Variants in TTPAL observed in about 807,000 individuals in gnomAD.
TTPAL encodes alpha-tocopherol transfer protein-like.
In TTPAL, 21 loss-of-function variants were observed where a neutral mutation model predicts 28.7. The ratio of observed to expected loss-of-function variants is 0.73; its 90% CI spans 0.52 to 1.06. The LOEUF (loss-of-function observed/expected upper bound fraction) is 1.06. Among genes scored for constraint, TTPAL ranks in the 50% least tolerant of loss-of-function variants. The pLI is 0.00. For missense variants in TTPAL, 345 were observed against 425.5 expected, an observed-to-expected ratio of 0.81 and a Z score of 1.67; for synonymous variants, 169 against 171.9, an observed-to-expected ratio of 0.98 and a Z score of 0.13.
rs2064234629 is a variant in TTPAL, at chr20:44,494,291, T to TAG, written c.*4751_*4752insGA. 1 of 152,748 alleles carries TAG rather than the reference T, an allele frequency of 6.5e-6. No homozygotes were observed. Among genetic ancestry groups the TAG allele is most frequent in the African/African-American group, 2.4e-5 (1 of 41,450 alleles). The allele number at this position is 152,748 out of a possible 1,614,324, so 9.5% of individuals were successfully genotyped here. ...GTAGCTATGCCTCGGCTTCTTGGCATATCAGGTAGGAACCTGTTACAAGTG... is the reference window on the plus strand; with the variant it reads ...GTAGCTATGCCTCGGCTTCTTGGCATAGATCAGGTAGGAACCTGTTACAAGTG... On this transcript the variant is annotated 3_prime_UTR_variant, in exon 5 of 5. Transcript: ENST00000262605.
chr20:44,476,123 ACAGCCGGAAGTGGGGGC>A (rs1365985414), intron 1 of TTPAL, 132 bp downstream of exon 1: 1 of 152,088 alleles, frequency 6.6e-6, no homozygotes, highest in Admixed American at 6.5e-5. Context: ...GGAGGGGGTG[ACAGCCGGAAGTGGGGGC>A]CTCGGAAGGT....
chr20:44,477,052 G>A (rs1022844269), intron 1 of TTPAL, among the ~76,000 whole-genome samples: 2 of 152,236 alleles, frequency 1.3e-5, no homozygotes, highest in African/African-American at 2.4e-5. Context: ...GAACAAATTA[G>A]AAGAGGAAAT....
At chr20:44,477,643 C>CTATTTATTTATTTATT (rs200146629) in intron 1 of TTPAL, among the ~76,000 whole-genome samples, 3 of 149,866 alleles carry the variant, frequency 2.0e-5, no homozygotes, top group African/African-American at 7.5e-5. Flanking sequence ...ATCTATCTAT[C>CTATTTATTTATTTATT]TATTTATTTA....
rs368610163 is a variant in TTPAL at position 44,485,208 on chromosome 20, C to CT, written c.639+679dup. On this transcript the variant is annotated intron_variant, in intron 3 of 4. Transcript: ENST00000262605. The stretch of plus-strand genomic sequence containing the variant: ...CTGTGGACCTGAGGGATATGGTGTT[C>CT]TGTTGGGCTGTATTTTGGTCAGATG... Among the ~76,000 whole-genome samples, 1,158 of 152,180 alleles carry CT rather than the reference C, an allele frequency of 7.6e-3. 5 individuals are homozygous for CT. Among genetic ancestry groups the CT allele is most frequent in the Middle Eastern group, 0.014 (4 of 294 alleles).
At chr20:44,479,859 C>G in intron 1 of TTPAL, 126 bp from the exon 2 acceptor site, 2 of 781,740 alleles carry the variant, frequency 2.6e-6, no homozygotes, top group Non-Finnish European at 4.0e-6. Context: ...TTCATTGCCC[C>G]CAGTTGAGAA....
chr20:44,484,308 A>G (rs1341658144), intron 2 of TTPAL, 29 bp from the exon 3 acceptor site: 2 of 1,413,392 alleles, frequency 1.4e-6, no homozygotes, highest in African/African-American at 2.8e-5. Context: ...TAACTTCTGT[A>G]ACATACTGTC....
At chr20:44,484,153 G>C (rs1454900438) in intron 2 of TTPAL, among the ~76,000 whole-genome samples, 184 bp from the exon 3 acceptor site, 1 of 152,170 alleles carries the variant, frequency 6.6e-6, no homozygotes, top group African/African-American at 2.4e-5. Flanking sequence ...ATGTGCTGCT[G>C]TTTGGAGTTA....
rs747328979 is a variant in TTPAL, at chr20:44,484,453, G to A, written c.562G>A (p.Asp188Asn). 3.1e-6 allele frequency: 5 copies of A among 1,606,122 alleles called. No homozygotes were observed. Among genetic ancestry groups the A allele is most frequent in the Admixed American group, 3.3e-5 (2 of 59,910 alleles). ...GGTGAATGGAATTGTAATTCTTGCA[G>A]ACTACAAAGGAGTGAGTTTATCAAA... is the stretch of plus-strand genomic sequence containing the variant. ...TQVNGIVILA[D>N]YKGVSLSKAS... Residue 188 changes from aspartate (D) to asparagine (N), a missense_variant, in exon 3 of 5, where the codon GAC becomes AAC. Asp to Asn is a conservative substitution (Grantham distance 23). Transcript: ENST00000262605.
At position 44,480,288 on chromosome 20, in the gene TTPAL, C is replaced by A. The variant is rs35355899; in HGVS notation, c.289C>A (p.Gln97Lys). 1,771 of 1,614,180 alleles carry A rather than the reference C, an allele frequency of 1.1e-3. 18 individuals are homozygous for A. In the African/African-American group the frequency reaches 0.022, roughly 20 times the overall value. ...ARKFDYDRAL[Q>K]LLVNYHSCRR... is the part of the protein sequence containing the mutation. ...CAAGTTTGATTACGACCGGGCCCTG[C>A]AGCTCCTCGTCAACTACCACAGCTG... The change falls in exon 2 of 5, where the codon CAG (glutamine) becomes AAG (lysine). Residue 97 changes from glutamine (Q) to lysine (K), a missense_variant. Coordinates refer to ENST00000262605, the MANE Select transcript of TTPAL (RefSeq NM_001039199.3). This position sits in a 1 kb window ranked among gnomAD's most constrained non-coding sequence, Gnocchi z 4.1.
chr20:44,487,046 C>T (rs370203394), intron 4 of TTPAL, among the ~76,000 whole-genome samples: 6 of 151,842 alleles, frequency 4.0e-5, no homozygotes, highest in African/African-American at 1.2e-4. Flanking sequence ...TTTGGGAGGC[C>T]GAGGTGGATG....
At position 44,480,467 on chromosome 20, in the gene TTPAL, G is replaced by A; in HGVS notation, c.445+23G>A. On this transcript the variant is annotated intron_variant, in intron 2 of 4. Transcript: ENST00000262605. The surrounding 1 kb of genome is among the most constrained non-coding windows in gnomAD (Gnocchi z 4.1). ...CAGGTATCTCCCTAGACTGTTGTGG[G>A]GTGTGTGTGTCCAGTCCTTCTGCAG... 6.4e-7 allele frequency: 1 copy of A among 1,561,798 alleles called. No homozygotes were observed. Among genetic ancestry groups the A allele is most frequent in the Non-Finnish European group, 8.7e-7 (1 of 1,153,136 alleles).
At chr20:44,482,723 T>C (rs2064117721) in intron 2 of TTPAL, among the ~76,000 whole-genome samples, 1 of 152,180 alleles carries the variant, frequency 6.6e-6, no homozygotes, top group African/African-American at 2.4e-5. Flanking sequence ...ATTCTCATTT[T>C]TTTTTTCCCA....
intron 4 of TTPAL, among the ~76,000 whole-genome samples, chr20:44,487,970 T>C (rs753743595): frequency 9.9e-5 from 15 of 152,222 alleles, no homozygotes; most frequent in African/African-American, 2.7e-4. Flanking sequence ...GCTTTTACCA[T>C]GTTGGCCAGG....
intron 3 of TTPAL, among the ~76,000 whole-genome samples, chr20:44,485,462 G>A (rs984440691): frequency 6.6e-6 from 1 of 152,128 alleles, no homozygotes; most frequent in South Asian, 2.1e-4. Context: ...GCTGTGACAG[G>A]TTTTGATTAC....
chr20:44,486,387 T>A, intron 3 of TTPAL: 1 of 419,648 alleles, frequency 2.4e-6, no homozygotes, highest in Non-Finnish European at 4.3e-6. Flanking sequence ...CAGCCTCTGT[T>A]TGCCTCTCTT....
intron 1 of TTPAL, among the ~76,000 whole-genome samples, chr20:44,477,580 G>A (rs545435453): frequency 3.4e-4 from 51 of 152,178 alleles, no homozygotes; most frequent in Non-Finnish European, 6.8e-4. Context: ...CTCCCTTAGA[G>A]TCCATTCTCA....
At position 44,480,594 on chromosome 20, in the gene TTPAL, A is replaced by G. The variant is rs2064095199; in HGVS notation, c.445+150A>G. The G allele has an allele frequency of 1.3e-5, 10 of 741,312 alleles. No individual in the cohort carries two copies. In the South Asian group the frequency reaches 2.3e-4, roughly 17 times the overall value. The allele number at this position is 741,312 out of a possible 1,614,324, so 45.9% of individuals were successfully genotyped here. A position where few individuals can be genotyped will look rare whatever the true frequency, so the allele number is the denominator to read the frequency against. ...ATTGCAGATAACACAAACCTACTCA[A>G]ACCAACTTCAGAAAAAAGGGAGGAT... On this transcript the variant is annotated intron_variant, in intron 2 of 4. Transcript: ENST00000262605. This position sits in a 1 kb window ranked among gnomAD's most constrained non-coding sequence, Gnocchi z 4.1.
chr20:44,476,440 G>A (rs1412600140), intron 1 of TTPAL, among the ~76,000 whole-genome samples: 1 of 152,218 alleles, frequency 6.6e-6, no homozygotes, highest in African/African-American at 2.4e-5. Flanking sequence ...AGCCCAGGGT[G>A]GGGCTAGACG....
In TTPAL at chr20:44,475,978, C is replaced by G. The variant is rs929497263; in HGVS notation, c.-29C>G. The G allele has an allele frequency of 6.6e-6, 1 of 152,322 alleles. No homozygotes were observed. Among genetic ancestry groups the G allele is most frequent in the South Asian group, 2.1e-4 (1 of 4,840 alleles). 9.4% of individuals were successfully genotyped at this position (152,322 alleles called of 1,614,324 possible). On this transcript the variant is annotated 5_prime_UTR_variant, in exon 1 of 5. Coordinates refer to ENST00000262605, the MANE Select transcript of TTPAL (RefSeq NM_001039199.3). ...CGCCGCCGATTGACCCGCGCTCCGC[C>G]CGTAGTCGGGCCGGTGAGTGCCCGC...
Sources: allele counts gnomAD v4.1 joint callset (sites outside exome capture counted in the v4.1 genomes callset), GRCh38; gene constraint gnomAD v4.1.1; non-coding constraint Gnocchi (gnomAD v3.1); transcripts MANE v1.5; gene names NCBI Gene and HGNC (gene_info 2026-07-23, HGNC 2026-07-21).